The following SLC9C1 variants were observed in gnomAD, a reference collection of about 807,000 sequenced individuals.
SLC9C1 encodes solute carrier family 9 member C1, also known as sodium/hydrogen exchanger 10.
Under a neutral mutation model 140.9 loss-of-function variants are expected in SLC9C1, and 97 were observed. That is an observed-to-expected ratio of 0.69 (90% CI 0.58 to 0.82). SLC9C1 has a LOEUF of 0.82. Among genes scored for constraint, SLC9C1 ranks in the 40% least tolerant of loss-of-function variants. SLC9C1 has a pLI of 0.00. For synonymous variants in SLC9C1, 440 were observed against 442.6 expected, an observed-to-expected ratio of 0.99 and a Z score of 0.07; for missense variants, 1,340 against 1,389.3, an observed-to-expected ratio of 0.96 and a Z score of 0.56.
At chr3:112,153,316 C>T (rs550334440) in intron 27 of SLC9C1, among the ~76,000 whole-genome samples, 38 of 151,010 alleles carry the variant, frequency 2.5e-4, no homozygotes, top group African/African-American at 8.0e-4. Flanking sequence ...CATTAGCTTT[C>T]CTTCTTCAAT....
In SLC9C1 at chr3:112,280,444, G is replaced by A. The variant is rs542239313; in HGVS notation, c.189+239C>T. ...ACTAATACTTTTATGTATGTACTCA[G>A]TAGCTGTATGTACTCAGTAGCTGTA... is the stretch of plus-strand genomic sequence containing the variant. On this transcript the variant is annotated intron_variant, in intron 3 of 28. Transcript: ENST00000305815. 1.4e-4 allele frequency among the ~76,000 whole-genome samples: 21 copies of A among 151,914 alleles called. 1 individual carries two copies. In the East Asian group the frequency reaches 3.1e-3, roughly 22 times the overall value.
At chr3:112,231,003 AC>A (rs36173817) in intron 13 of SLC9C1, among the ~76,000 whole-genome samples, 1 of 152,146 alleles carries the variant, frequency 6.6e-6, no homozygotes, top group South Asian at 2.1e-4. Context: ...CTGAAGTTTA[AC>A]CCCAGTTGCA....
intron 23 of SLC9C1, among the ~76,000 whole-genome samples, chr3:112,173,944 G>A (rs545148134): frequency 2.3e-4 from 35 of 152,304 alleles, no homozygotes; most frequent in Middle Eastern, 6.8e-3. Flanking sequence ...GCCAGCATGT[G>A]TTATTTTTTG....
intron 12 of SLC9C1, among the ~76,000 whole-genome samples, chr3:112,236,077 C>T (rs6795212): frequency 0.3 from 44,930 of 151,894 alleles, 6,831 homozygotes; most frequent in East Asian, 0.36. Flanking sequence ...TGGTAGAATT[C>T]GGCTGTGAAT....
Position 112,263,037 on chromosome 3 carries a change from G to C in SLC9C1, c.1084C>G (p.Arg362Gly), listed in dbSNP as rs747653983. 4 of 1,601,326 alleles carry C rather than the reference G, an allele frequency of 2.5e-6. No individual in the cohort carries two copies. Among genetic ancestry groups the C allele is most frequent in the South Asian group, 1.1e-5 (1 of 88,894 alleles). ...CTACAGACCATTATGAATATCCAGC[G>C]CCAACTGAACTCATGACCAACTCGA... ...LSRVGHEFSW[R>G]WIFIMVCSEM... Residue 362 changes from arginine (R) to glycine (G), a missense_variant, in exon 10 of 29, where the codon CGC (arginine) becomes GGC (glycine). Coordinates refer to ENST00000305815, the MANE Select transcript of SLC9C1 (RefSeq NM_183061.3).
chr3:112,164,193 T>C (rs1004177369), intron 26 of SLC9C1, among the ~76,000 whole-genome samples: 1 of 151,726 alleles, frequency 6.6e-6, no homozygotes, highest in Non-Finnish European at 1.5e-5. Context: ...GTTTCCTGAA[T>C]ACAGCACACT....
chr3:112,253,753 C>A (rs536213501), intron 10 of SLC9C1, among the ~76,000 whole-genome samples: 13 of 152,240 alleles, frequency 8.5e-5, no homozygotes, highest in African/African-American at 2.9e-4. Context: ...ACTAGTTCTC[C>A]GACATGGGTT....
chr3:112,204,426 C>A, intron 16 of SLC9C1, 23 bp from the exon 17 acceptor site: 1 of 1,538,144 alleles, frequency 6.5e-7, no homozygotes, highest in Non-Finnish European at 8.7e-7. Context: ...AAGGAAATTA[C>A]ATTATCATGT....
At chr3:112,243,362 C>T (rs1007202569) in intron 11 of SLC9C1, among the ~76,000 whole-genome samples, 5 of 152,206 alleles carry the variant, frequency 3.3e-5, no homozygotes, top group African/African-American at 4.8e-5. Flanking sequence ...TGCCCTTTGC[C>T]GCAACATGGA....
intron 14 of SLC9C1, among the ~76,000 whole-genome samples, chr3:112,220,591 G>A (rs186217762): frequency 6.6e-6 from 1 of 152,314 alleles, no homozygotes; most frequent in Admixed American, 6.5e-5. Flanking sequence ...CATAGATCCA[G>A]CATTCCTCCA....
chr3:112,196,690 G>A (rs976113314), intron 20 of SLC9C1, among the ~76,000 whole-genome samples: 4 of 151,744 alleles, frequency 2.6e-5, no homozygotes, highest in African/African-American at 4.8e-5. Context: ...TTAGATTTTC[G>A]TTATTGTACT....
chr3:112,216,135 G>C (rs1473669737), intron 15 of SLC9C1, among the ~76,000 whole-genome samples: 1 of 152,138 alleles, frequency 6.6e-6, no homozygotes, highest in Non-Finnish European at 1.5e-5. Flanking sequence ...AATGGTGCTG[G>C]GAAAACTGGC....
At chr3:112,160,719 G>T (rs1248200777) in intron 26 of SLC9C1, among the ~76,000 whole-genome samples, 18 of 150,582 alleles carry the variant, frequency 1.2e-4, no homozygotes, top group Admixed American at 9.9e-4. Context: ...GAATAATGCC[G>T]CAATAAACAT....
chr3:112,279,367 A>G (rs2080300444), intron 3 of SLC9C1, among the ~76,000 whole-genome samples: 1 of 152,144 alleles, frequency 6.6e-6, no homozygotes, highest in African/African-American at 2.4e-5. Flanking sequence ...AGAGCAAATG[A>G]CAGGTTTACT....
chr3:112,153,466 T>C (rs2075041601), intron 27 of SLC9C1, among the ~76,000 whole-genome samples: 1 of 152,202 alleles, frequency 6.6e-6, no homozygotes, highest in South Asian at 2.1e-4. Flanking sequence ...CCTTTGTTAT[T>C]CCCTAGCCTT....
chr3:112,241,281 C>T (rs965054385), intron 11 of SLC9C1, among the ~76,000 whole-genome samples: 13 of 151,976 alleles, frequency 8.6e-5, no homozygotes, highest in East Asian at 3.9e-4. Flanking sequence ...CAAAACATCT[C>T]GGGTACCCCA....
chr3:112,148,848 A>G (rs148733184), intron 28 of SLC9C1, among the ~76,000 whole-genome samples: 184 of 152,290 alleles, frequency 1.2e-3, no homozygotes, highest in African/African-American at 4.0e-3. Context: ...ACCAGTGCCA[A>G]TAGAGAATCC....
intron 13 of SLC9C1, among the ~76,000 whole-genome samples, chr3:112,229,226 C>T (rs2078758633): frequency 6.6e-6 from 1 of 151,980 alleles, no homozygotes; most frequent in Non-Finnish European, 1.5e-5. Flanking sequence ...TACAAAGTTG[C>T]AGTTAGATAG....
At chr3:112,265,728 T>C (rs2079900057) in intron 8 of SLC9C1, among the ~76,000 whole-genome samples, 1 of 152,114 alleles carries the variant, frequency 6.6e-6, no homozygotes, top group Admixed American at 6.6e-5. Flanking sequence ...TTGCTTACAT[T>C]TAGTGTGGTC....
Sources: gnomAD v4.1 joint callset for allele counts (sites outside exome capture counted in the v4.1 genomes callset) on GRCh38, gnomAD v4.1.1 for gene constraint, MANE v1.5 for transcripts, NCBI Gene and HGNC (gene_info 2026-07-23, HGNC 2026-07-21) for gene names.